Variants in HIGD1A observed in about 807,000 individuals in gnomAD.
HIGD1A encodes the protein HIG1 hypoxia inducible domain family member 1A.
A neutral mutation model predicts 11.3 loss-of-function variants in HIGD1A; 8 were observed. The ratio of observed to expected loss-of-function variants is 0.71; its 90% CI spans 0.42 to 1.28. The LOEUF (loss-of-function observed/expected upper bound fraction) is 1.28. Among genes scored for constraint, HIGD1A ranks in the 50% most tolerant of loss-of-function variants. The pLI, the probability that HIGD1A is intolerant of heterozygous loss-of-function variation, is 0.01. For synonymous variants in HIGD1A, 32 were observed against 38.4 expected (o/e 0.83, Z 0.62); for missense variants, 107 against 118.8 (o/e 0.90, Z 0.46).
chr3:42,792,692 G>A (rs1401221924), intron 2 of HIGD1A, among the ~76,000 whole-genome samples: 2 of 143,338 alleles, frequency 1.4e-5, no homozygotes, highest in Non-Finnish European at 3.0e-5. Context: ...AAAAAGTAGA[G>A]TTTTAGGCCA....
rs1700334506 is a variant in HIGD1A, at chr3:42,785,154, T to C, written c.*117A>G. 1 of 717,102 alleles carries C rather than the reference T, an allele frequency of 1.4e-6. No homozygotes were observed. The highest frequency in any genetic ancestry group is 2.3e-6 in the Non-Finnish European group (1 of 431,542). The allele number at this position is 717,102 out of a possible 1,614,324, so 44.4% of individuals were successfully genotyped here. ...AAGGAAGCCAATATTCAAAATGCCA[T>C]GTTACCATCTAAACCCATACAAATT... On this transcript the variant is annotated 3_prime_UTR_variant, in exon 4 of 4. Transcript: ENST00000321331.
At chr3:42,794,511 A>G (rs1030140275) in intron 1 of HIGD1A, among the ~76,000 whole-genome samples, 6 of 152,168 alleles carry the variant, frequency 3.9e-5, no homozygotes, top group Non-Finnish European at 8.8e-5. Context: ...TGTACAACCC[A>G]TTCATTTTTA....
At chr3:42,795,778 T>C (rs1253230943) in intron 1 of HIGD1A, among the ~76,000 whole-genome samples, 1 of 151,970 alleles carries the variant, frequency 6.6e-6, no homozygotes, top group Non-Finnish European at 1.5e-5. Flanking sequence ...GCTCCTTTCC[T>C]CCTTTTCAGT....
chr3:42,786,257 T>C, intron 2 of HIGD1A, 95 bp from the exon 3 acceptor site: 1 of 1,371,258 alleles, frequency 7.3e-7, no homozygotes, highest in Non-Finnish European at 1.0e-6. Context: ...TTTATGAGGA[T>C]TCTTTATCAG....
Position 42,784,851 on chromosome 3 carries a change from C to A in HIGD1A, c.*420G>T, listed in dbSNP as rs1337251396. 6.1e-6 allele frequency: 1 copy of A among 164,316 alleles called. No individual in the cohort carries two copies. The highest frequency in any genetic ancestry group is 1.3e-5 in the Non-Finnish European group (1 of 76,172). The allele number at this position is 164,316 out of a possible 1,614,324, so 10.2% of individuals were successfully genotyped here. On this transcript the variant is annotated 3_prime_UTR_variant, in exon 4 of 4. Transcript: ENST00000321331. ...AGTTCTAACAGAGCCAGCCAGTCCA[C>A]AAAACAGGCAGACAAAAGTTGAATT...
At position 42,794,209 on chromosome 3, in the gene HIGD1A, A is replaced by C. The variant is rs768982028; in HGVS notation, c.45T>G (p.Asp15Glu). The change falls in exon 2 of 4, where the codon GAT (aspartate) becomes GAG (glutamate). Residue 15 changes from aspartate (D) to glutamate (E), a missense_variant. Asp to Glu is a conservative substitution (Grantham distance 45). Coordinates refer to ENST00000321331, the MANE Select transcript of HIGD1A (RefSeq NM_014056.4). The stretch of plus-strand genomic sequence containing the variant: ...CTTTTCGAATGAGTTTTGATCCCTG[A>C]TCTTCCTCATATGAAGGAAGGGAAA... ...TGVSLPSYEE[D>E]QGSKLIRKAK... 116 of 1,605,380 alleles carry C rather than the reference A, an allele frequency of 7.2e-5. No homozygotes were observed. In the South Asian group the frequency reaches 1.3e-3, roughly 18 times the overall value.
At chr3:42,787,799 G>A (rs115771874) in intron 2 of HIGD1A, among the ~76,000 whole-genome samples, 1,709 of 150,188 alleles carry the variant, frequency 0.011, 34 homozygotes, top group African/African-American at 0.038. Flanking sequence ...AGAATTGCAC[G>A]GCACCATTAA....
At chr3:42,793,073 G>A (rs1700447330) in intron 2 of HIGD1A, among the ~76,000 whole-genome samples, 1 of 151,456 alleles carries the variant, frequency 6.6e-6, no homozygotes. Context: ...GTATGATCCT[G>A]AATTTGTGAA....
In HIGD1A at chr3:42,787,319, G is replaced by T. The variant is rs1248235916; in HGVS notation, c.98-1157C>A. ...AGGAGGAAAAAAAAATTAGGGCTGG[G>T]AGCAGTAGCTCACACCCATCATCCC... On this transcript the variant is annotated intron_variant, in intron 2 of 3. Transcript: ENST00000321331. Among the ~76,000 whole-genome samples, 4 of 152,004 alleles carry T rather than the reference G, an allele frequency of 2.6e-5. No individual in the cohort carries two copies. The East Asian group carries it at 7.7e-4, about 29-fold the overall frequency.
chr3:42,798,693 G>A (rs1285575153), intron 1 of HIGD1A, among the ~76,000 whole-genome samples: 1 of 9,622 alleles, frequency 1.0e-4, no homozygotes, highest in African/African-American at 1.1e-4. Flanking sequence ...CCGGCCAGCC[G>A]CCCCGCCCGG....
At chr3:42,788,026 C>T (rs918154541) in intron 2 of HIGD1A, among the ~76,000 whole-genome samples, 1 of 15,522 alleles carries the variant, frequency 6.4e-5, no homozygotes, top group Non-Finnish European at 4.6e-3. Flanking sequence ...ACACATACCC[C>T]CACCTCTAAC....
At chr3:42,800,466 C>G (rs572504085) in intron 1 of HIGD1A, among the ~76,000 whole-genome samples, 2 of 152,160 alleles carry the variant, frequency 1.3e-5, no homozygotes, top group South Asian at 4.2e-4. Context: ...TTAAGATGCT[C>G]TCTATACCTC....
At chr3:42,804,146 C>G (rs771438693) in intron 1 of HIGD1A, 1 of 1,607,396 alleles carries the variant, frequency 6.2e-7, no homozygotes, top group Non-Finnish European at 8.5e-7. Context: ...ACCCCATCAG[C>G]GAGTCTTCCC....
intron 2 of HIGD1A, among the ~76,000 whole-genome samples, chr3:42,789,896 T>C (rs1216178956): frequency 6.6e-6 from 1 of 151,762 alleles, no homozygotes. Flanking sequence ...AATTTTTAAA[T>C]TTTTTTTGTA....
chr3:42,794,718 G>A (rs908182714), intron 1 of HIGD1A, among the ~76,000 whole-genome samples: 39 of 152,128 alleles, frequency 2.6e-4, no homozygotes, highest in African/African-American at 8.0e-4. Context: ...AGCACTTTTC[G>A]GTGTAGTTAA....
chr3:42,803,004 A>G (rs1700587406), intron 1 of HIGD1A, among the ~76,000 whole-genome samples: 1 of 152,236 alleles, frequency 6.6e-6, no homozygotes, highest in African/African-American at 2.4e-5. Context: ...TTCTTCAGTG[A>G]CTTAACTCAT....
At chr3:42,803,319 ACAGT>A (rs1439674904) in intron 1 of HIGD1A, among the ~76,000 whole-genome samples, 6 of 152,206 alleles carry the variant, frequency 3.9e-5, no homozygotes, top group Non-Finnish European at 5.9e-5. Flanking sequence ...ATCTTTCTTC[ACAGT>A]CATTTTGTCA....
At chr3:42,785,592 C>T (rs1700339772) in intron 3 of HIGD1A, among the ~76,000 whole-genome samples, 1 of 152,196 alleles carries the variant, frequency 6.6e-6, no homozygotes, top group South Asian at 2.1e-4. Flanking sequence ...CAATATTTAT[C>T]TGGTAACTTT....
chr3:42,793,836 G>A (rs1042856649), intron 2 of HIGD1A, among the ~76,000 whole-genome samples: 1 of 152,154 alleles, frequency 6.6e-6, no homozygotes, highest in African/African-American at 2.4e-5. Flanking sequence ...GCTGGGCGTG[G>A]TGGTGCACAC....
Sources: gnomAD v4.1 joint callset for allele counts (sites outside exome capture counted in the v4.1 genomes callset) on GRCh38, gnomAD v4.1.1 for gene constraint, MANE v1.5 for transcripts, NCBI Gene and HGNC (gene_info 2026-07-23, HGNC 2026-07-21) for gene names.